The following NSUN6 variants were observed in gnomAD, a reference collection of about 807,000 sequenced individuals.
The protein encoded by NSUN6 is tRNA (cytosine(72)-C(5))-methyltransferase NSUN6.
NSUN6 carries 64 observed loss-of-function variants against 58.0 expected under a neutral mutation model. The observed-to-expected ratio is 1.10, with a 90% CI of 0.90 to 1.36. The LOEUF is 1.36. Ranked by LOEUF, NSUN6 falls within the 40% of genes most tolerant of loss-of-function variation. NSUN6 has a pLI of 0.00. For synonymous variants in NSUN6, 231 were observed against 193.9 expected (o/e 1.19, Z -1.59); for missense variants, 701 against 550.1 (o/e 1.27, Z -2.74).
chr10:18,604,505 C>T (rs1237430321), intron 6 of NSUN6, among the ~76,000 whole-genome samples: 2 of 152,082 alleles, frequency 1.3e-5, no homozygotes, highest in African/African-American at 2.4e-5. Flanking sequence ...GTTAGAAATA[C>T]AGAATCGCAG....
chr10:18,591,994 T>C (rs1451747132), intron 7 of NSUN6, among the ~76,000 whole-genome samples: 1 of 152,112 alleles, frequency 6.6e-6, no homozygotes, highest in African/African-American at 2.4e-5. Flanking sequence ...AAAAACTCCT[T>C]AGGCTGATAA....
intron 8 of NSUN6, among the ~76,000 whole-genome samples, chr10:18,570,370 A>G (rs2056272694): frequency 6.9e-6 from 1 of 145,866 alleles, no homozygotes; most frequent in African/African-American, 2.5e-5. Context: ...TATCCATTCT[A>G]TTTAATCCTC....
intron 8 of NSUN6, among the ~76,000 whole-genome samples, chr10:18,572,921 C>A: frequency 6.7e-6 from 1 of 149,902 alleles, no homozygotes; most frequent in East Asian, 2.0e-4. Flanking sequence ...CCATTCCATC[C>A]TCCATTCCAT....
At chr10:18,576,913 G>T (rs896014202) in intron 8 of NSUN6, among the ~76,000 whole-genome samples, 30 of 152,170 alleles carry the variant, frequency 2.0e-4, no homozygotes, top group Admixed American at 1.8e-3. Context: ...GACATTGTAA[G>T]CAAGAGAAGC....
chr10:18,584,258 C>T (rs903057326), intron 8 of NSUN6, among the ~76,000 whole-genome samples: 1 of 152,208 alleles, frequency 6.6e-6, no homozygotes, highest in Non-Finnish European at 1.5e-5. Flanking sequence ...GATTAGGCAC[C>T]AGCTAGCAGT....
At chr10:18,624,335 G>A (rs2058711133) in intron 3 of NSUN6, among the ~76,000 whole-genome samples, 1 of 151,898 alleles carries the variant, frequency 6.6e-6, no homozygotes, top group South Asian at 2.1e-4. Context: ...CTATACTATT[G>A]ACAAGAGAGC....
chr10:18,552,039 G>A, intron 8 of NSUN6, 68 bp from the exon 9 acceptor site: 1 of 851,262 alleles, frequency 1.2e-6, no homozygotes, highest in Non-Finnish European at 1.8e-6. Flanking sequence ...CTCCTGAGAT[G>A]AGCAGGAATT....
intron 5 of NSUN6, among the ~76,000 whole-genome samples, chr10:18,610,271 CT>C (rs1276769035): frequency 6.6e-6 from 1 of 152,042 alleles, no homozygotes; most frequent in African/African-American, 2.4e-5. Context: ...TCACTTGAAC[CT>C]GGGAGGCAGA....
chr10:18,643,166 T>C (rs2059438407), intron 2 of NSUN6, among the ~76,000 whole-genome samples: 1 of 151,584 alleles, frequency 6.6e-6, no homozygotes, highest in South Asian at 2.1e-4. Flanking sequence ...ATGGTGAGTA[T>C]TTATACCACA....
chr10:18,592,690 T>G (rs186839126), intron 7 of NSUN6, among the ~76,000 whole-genome samples: 72 of 151,992 alleles, frequency 4.7e-4, no homozygotes, highest in African/African-American at 1.7e-3. Flanking sequence ...CTGCACCCCT[T>G]CCTTACACAA....
chr10:18,630,643 T>C (rs1312421281), intron 3 of NSUN6, among the ~76,000 whole-genome samples: 1 of 152,136 alleles, frequency 6.6e-6, no homozygotes, highest in Non-Finnish European at 1.5e-5. Context: ...GCAAATAAAC[T>C]AGAAAATCTA....
At chr10:18,557,885 GGAATGAAATGAA>G (rs1480974964) in intron 8 of NSUN6, among the ~76,000 whole-genome samples, 1 of 151,368 alleles carries the variant, frequency 6.6e-6, no homozygotes, top group Non-Finnish European at 1.5e-5. Context: ...GGAATGGAAT[GGAATGAAATGAA>G]GAATGGAATG....
In NSUN6 at chr10:18,648,600, T is replaced by C. The variant is rs773132625; in HGVS notation, c.121A>G (p.Thr41Ala). The change falls in exon 2 of 11, where the codon ACT becomes GCT. Residue 41 changes from threonine (T) to alanine (A), a missense_variant. Physicochemically the swap from Thr to Ala is moderately conservative, Grantham distance 58 (BLOSUM62 0). Transcript: ENST00000377304. ...GGATGTGACAGGTGCTTTAACAAAGTTTCAAACTTCCTTTCTGCTTCTTGT... is the reference window on the plus strand; with the variant it reads ...GGATGTGACAGGTGCTTTAACAAAGCTTCAAACTTCCTTTCTGCTTCTTGT... ...GKQEAERKFE[T>A]LLKHLSHPPS... 3 of 1,608,170 alleles carry C rather than the reference T, an allele frequency of 1.9e-6. No homozygotes were observed. Among genetic ancestry groups the C allele is most frequent in the Non-Finnish European group, 2.6e-6 (3 of 1,174,912 alleles).
intron 8 of NSUN6, among the ~76,000 whole-genome samples, chr10:18,568,887 C>A (rs61722434): frequency 0.19 from 29,254 of 150,428 alleles, 3,067 homozygotes; most frequent in South Asian, 0.31. Flanking sequence ...CCATTCTGTT[C>A]CATTCCAATC....
At chr10:18,557,157 G>A (rs1465882334) in intron 8 of NSUN6, among the ~76,000 whole-genome samples, 3 of 150,930 alleles carry the variant, frequency 2.0e-5, no homozygotes, top group Non-Finnish European at 3.0e-5. Context: ...ATGGAATGCA[G>A]TGGTGAATAG....
intron 7 of NSUN6, among the ~76,000 whole-genome samples, chr10:18,594,438 TTTGTTGTTGTTG>T (rs1564774462): frequency 6.6e-6 from 1 of 151,572 alleles, no homozygotes; most frequent in Admixed American, 6.6e-5. Context: ...TCTGTTTTTT[TTTGTTGTTGTTG>T]TTTTTTGTTT....
chr10:18,642,072 A>T (rs1045239752), intron 3 of NSUN6, among the ~76,000 whole-genome samples: 3 of 152,224 alleles, frequency 2.0e-5, no homozygotes, highest in Non-Finnish European at 2.9e-5. Flanking sequence ...TTCTCAAAAA[A>T]TAAAATTTTA....
chr10:18,578,025 A>T (rs2056737968), intron 8 of NSUN6, among the ~76,000 whole-genome samples: 1 of 152,228 alleles, frequency 6.6e-6, no homozygotes, highest in Admixed American at 6.5e-5. Flanking sequence ...CCTTCTACAG[A>T]AGTAAATCGC....
At chr10:18,593,960 G>C (rs545814411) in intron 7 of NSUN6, among the ~76,000 whole-genome samples, 6 of 151,970 alleles carry the variant, frequency 3.9e-5, no homozygotes, top group Non-Finnish European at 7.4e-5. Flanking sequence ...AGCACTTTGG[G>C]AGGCCGGGGC....
Sources: gnomAD v4.1 joint callset for allele counts (sites outside exome capture counted in the v4.1 genomes callset) on GRCh38, gnomAD v4.1.1 for gene constraint, MANE v1.5 for transcripts, NCBI Gene and HGNC (gene_info 2026-07-23, HGNC 2026-07-21) for gene names.